Variants in SLC24A2 observed in about 807,000 individuals in gnomAD.
The protein encoded by SLC24A2 is solute carrier family 24 member 2, also known as sodium/potassium/calcium exchanger 2.
Under a neutral mutation model 62.0 loss-of-function variants are expected in SLC24A2, and 36 were observed. The observed-to-expected ratio is 0.58, with a 90% CI of 0.44 to 0.77. The LOEUF is 0.77. SLC24A2 is among the 30% of genes least tolerant of loss of function. The pLI is 0.00. For synonymous variants in SLC24A2, 358 were observed against 294.0 expected, an observed-to-expected ratio of 1.22 and a Z score of -2.23; for missense variants, 846 against 817.9, an observed-to-expected ratio of 1.03 and a Z score of -0.42.
intron 5 of SLC24A2, among the ~76,000 whole-genome samples, chr9:19,579,112 G>C (rs1347455088): frequency 6.6e-6 from 1 of 152,208 alleles, no homozygotes; most frequent in East Asian, 1.9e-4. Context: ...CTGGAAGGTA[G>C]CTTGAATTTG....
the SLC24A2 span, among the ~76,000 whole-genome samples, chr9:20,264,338 G>T: frequency 3.3e-5 from 5 of 152,202 alleles, no homozygotes; most frequent in African/African-American, 1.2e-4. Flanking sequence ...CCTTTTCTCA[G>T]ATAACTCAGT....
chr9:19,769,711 T>C (rs568042750), intron 2 of SLC24A2, among the ~76,000 whole-genome samples: 2 of 152,280 alleles, frequency 1.3e-5, no homozygotes, highest in Admixed American at 1.3e-4. Context: ...GATGCATGGC[T>C]GAGTGGGGAT....
rs1440435667 is a variant in SLC24A2, at chr9:19,513,318, G to A, written c.*2835C>T. The stretch of plus-strand genomic sequence containing the variant: ...GATTTGAATGGTTTAAAGACCCATT[G>A]TTGAACTCTGTACACATCTCTCTGA... On this transcript the variant is annotated 3_prime_UTR_variant, in exon 11 of 11. Coordinates refer to ENST00000341998, the MANE Select transcript of SLC24A2 (RefSeq NM_020344.4). 2 of 151,868 alleles carry A rather than the reference G, an allele frequency of 1.3e-5. No homozygotes were observed. The highest frequency in any genetic ancestry group is 2.4e-5 in the African/African-American group (1 of 41,310). The allele number at this position is 151,868 out of a possible 1,614,324, so 9.4% of individuals were successfully genotyped here. A position where few individuals can be genotyped will look rare whatever the true frequency, so the allele number is the denominator to read the frequency against.
chr9:19,708,744 C>T (rs1820616064), intron 2 of SLC24A2, among the ~76,000 whole-genome samples: 1 of 152,142 alleles, frequency 6.6e-6, no homozygotes, highest in African/African-American at 2.4e-5. Context: ...ACATCTTATA[C>T]AAAAATTAAT....
intron 2 of SLC24A2, among the ~76,000 whole-genome samples, chr9:19,668,412 G>A (rs1047004384): frequency 6.6e-6 from 1 of 152,150 alleles, no homozygotes; most frequent in Non-Finnish European, 1.5e-5. Context: ...CAGAATATAA[G>A]CAGTAGATTG....
the SLC24A2 span, among the ~76,000 whole-genome samples, chr9:20,184,860 C>T: frequency 6.6e-6 from 1 of 152,134 alleles, no homozygotes; most frequent in African/African-American, 2.4e-5. Flanking sequence ...ACCTAGTGTC[C>T]ATCACAGATG....
At chr9:19,972,842 G>A in the SLC24A2 span, among the ~76,000 whole-genome samples, 2,013 of 152,256 alleles carry the variant, frequency 0.013, 38 homozygotes, top group African/African-American at 0.041. Context: ...CAAAGTTTCT[G>A]TCATTACGAG....
chr9:20,018,687 C>G, the SLC24A2 span, among the ~76,000 whole-genome samples: 1 of 152,092 alleles, frequency 6.6e-6, no homozygotes. Flanking sequence ...CCACTACACA[C>G]CAGGCACTAT....
the SLC24A2 span, among the ~76,000 whole-genome samples, chr9:19,983,136 C>T: frequency 6.6e-6 from 1 of 152,128 alleles, no homozygotes; most frequent in African/African-American, 2.4e-5. Context: ...TGCTATTCAA[C>T]ATTGTACTGG....
intron 2 of SLC24A2, among the ~76,000 whole-genome samples, chr9:19,751,300 G>C (rs900207662): frequency 1.3e-5 from 2 of 152,204 alleles, no homozygotes; most frequent in African/African-American, 4.8e-5. Context: ...CCATATGACA[G>C]AGAAAGAAAG....
the SLC24A2 span, among the ~76,000 whole-genome samples, chr9:19,807,755 A>G: frequency 2.6e-5 from 4 of 152,182 alleles, no homozygotes; most frequent in African/African-American, 9.6e-5. Flanking sequence ...TGTGAAACTG[A>G]AAAGCACTTG....
chr9:20,270,998 C>T, the SLC24A2 span, among the ~76,000 whole-genome samples: 2 of 152,170 alleles, frequency 1.3e-5, no homozygotes, highest in South Asian at 2.1e-4. Flanking sequence ...CTTCTCTGTT[C>T]CCCAGGTTGT....
the SLC24A2 span, among the ~76,000 whole-genome samples, chr9:20,049,208 G>C: frequency 6.6e-6 from 1 of 152,080 alleles, no homozygotes; most frequent in Admixed American, 6.6e-5. Context: ...CAAACAGGAA[G>C]GGGATTCTTT....
the SLC24A2 span, among the ~76,000 whole-genome samples, chr9:19,816,334 C>A: frequency 6.6e-6 from 1 of 151,988 alleles, no homozygotes; most frequent in East Asian, 1.9e-4. Context: ...TTTATAATAT[C>A]CTTGACCCAG....
the SLC24A2 span, among the ~76,000 whole-genome samples, chr9:20,299,758 CAAAG>C: frequency 1.3e-5 from 2 of 152,192 alleles, no homozygotes; most frequent in Non-Finnish European, 2.9e-5. Flanking sequence ...ATTTTGGAGA[CAAAG>C]AAACTCGTTC....
chr9:19,563,315 A>C (rs1390882738), intron 7 of SLC24A2, among the ~76,000 whole-genome samples: 1 of 152,050 alleles, frequency 6.6e-6, no homozygotes, highest in East Asian at 1.9e-4. Flanking sequence ...GAGATTGAAA[A>C]ACCAGGGAAA....
the SLC24A2 span, among the ~76,000 whole-genome samples, chr9:19,956,098 G>A: frequency 2.0e-5 from 3 of 152,208 alleles, no homozygotes; most frequent in Non-Finnish European, 1.5e-5. Context: ...AAGGCAGGGA[G>A]AGGAGAGTCC....
chr9:20,213,193 A>T, the SLC24A2 span, among the ~76,000 whole-genome samples: 1 of 151,902 alleles, frequency 6.6e-6, no homozygotes, highest in Non-Finnish European at 1.5e-5. Flanking sequence ...TAAAGTCAAA[A>T]GAAAATAAAT....
intron 7 of SLC24A2, among the ~76,000 whole-genome samples, chr9:19,552,313 G>A (rs374080113): frequency 6.6e-6 from 1 of 152,144 alleles, no homozygotes; most frequent in Non-Finnish European, 1.5e-5. Context: ...AGCTAGCTAC[G>A]TGAATAATCT....
Sources: gnomAD v4.1 joint callset for allele counts (sites outside exome capture counted in the v4.1 genomes callset) on GRCh38, gnomAD v4.1.1 for gene constraint, MANE v1.5 for transcripts, NCBI Gene and HGNC (gene_info 2026-07-23, HGNC 2026-07-21) for gene names.